Variants in FAM221A observed in about 807,000 individuals in gnomAD.
FAM221A encodes the protein family with sequence similarity 221 member A.
A neutral mutation model predicts 37.6 loss-of-function variants in FAM221A; 43 were observed. The observed-to-expected ratio is 1.15, with a 90% confidence interval of 0.90 to 1.48. The LOEUF is 1.48. Ranked by LOEUF, FAM221A falls within the 40% of genes most tolerant of loss-of-function variation. FAM221A has a pLI of 0.00. For synonymous variants in FAM221A, 135 were observed against 132.9 expected, an observed-to-expected ratio of 1.02 and a Z score of -0.11; for missense variants, 361 against 361.5, an observed-to-expected ratio of 1.00 and a Z score of 0.01.
chr7:23,687,087 T>C (rs926994563), intron 2 of FAM221A: 1 of 152,242 alleles, frequency 6.6e-6, no homozygotes, highest in Non-Finnish European at 1.5e-5. Flanking sequence ...GCCATTTAAC[T>C]GTTGTGAAGT....
chr7:23,700,362 TG>T (rs1785345914), intron 5 of FAM221A, among the ~76,000 whole-genome samples: 1 of 152,196 alleles, frequency 6.6e-6, no homozygotes, highest in Admixed American at 6.5e-5. Flanking sequence ...CCGTAAAAAA[TG>T]GATAAAATAG....
At chr7:23,690,203 T>A (rs868649089) in intron 3 of FAM221A, among the ~76,000 whole-genome samples, 197 of 76,248 alleles carry the variant, frequency 2.6e-3, no homozygotes, top group East Asian at 0.015. Flanking sequence ...ATATATATTT[T>A]TTTTTTTTTT....
intron 1 of FAM221A, 30 bp from the exon 2 acceptor site, chr7:23,684,469 G>T (rs975737475): frequency 1.7e-5 from 26 of 1,517,796 alleles, no homozygotes; most frequent in African/African-American, 2.9e-5. Context: ...AATACTCAAA[G>T]CTTAAGAGAA....
chr7:23,687,964 T>C (rs1715145894), intron 2 of FAM221A: 1 of 151,656 alleles, frequency 6.6e-6, no homozygotes, highest in African/African-American at 2.4e-5. Context: ...ACACTCTTGA[T>C]AGCATTGTGT....
At chr7:23,689,624 G>A (rs1784590656) in intron 3 of FAM221A, among the ~76,000 whole-genome samples, 165 bp downstream of exon 3, 1 of 152,124 alleles carries the variant, frequency 6.6e-6, no homozygotes, top group Non-Finnish European at 1.5e-5. Flanking sequence ...AGAATTCATT[G>A]GATAGATACT....
chr7:23,693,708 C>T (rs1784881787), intron 4 of FAM221A: 1 of 151,768 alleles, frequency 6.6e-6, no homozygotes, highest in Admixed American at 6.6e-5. Flanking sequence ...TTTCATATAT[C>T]TGTAATTTAT....
intron 2 of FAM221A, chr7:23,688,060 T>C (rs954967400): frequency 6.6e-6 from 1 of 152,130 alleles, no homozygotes; most frequent in Non-Finnish European, 1.5e-5. Context: ...TTTTTTTTCT[T>C]TTGAGACGGA....
rs771327899 is a variant in FAM221A, at chr7:23,700,868, G to A, written c.828G>A (p.Arg276=). Residue 276 remains arginine, a splice_region_variant and synonymous_variant, in exon 6 of 7, where the codon AGG becomes AGA. Transcript: ENST00000344962. ...MAFFERRYQE[R]MKMEKAAKWK... ...TCTTTGAAAGACGATACCAGGAAAG[G>A]GTAGGTTTTTGAGGAAATTCAGTTG... The A allele has an allele frequency of 1.8e-5, 29 of 1,602,948 alleles. No homozygotes were observed. Among genetic ancestry groups the A allele is most frequent in the African/African-American group, 4.0e-5 (3 of 74,382 alleles).
rs747504422 is a variant in FAM221A at position 23,689,249 on chromosome 7, C to T, written c.240-20C>T. On this transcript the variant is annotated intron_variant, in intron 2 of 6. Transcript: ENST00000344962. ...ATACCTGTATTGTGTTTATATTTCT[C>T]TCTCTTTCTCCTTTTTTAGGTATAA... 1 of 1,476,294 alleles carries T rather than the reference C, an allele frequency of 6.8e-7. No homozygotes were observed. Among genetic ancestry groups the T allele is most frequent in the Non-Finnish European group, 9.2e-7 (1 of 1,085,170 alleles). The allele number at this position is 1,476,294 out of a possible 1,614,324, so 91.4% of individuals were successfully genotyped here. A position where few individuals can be genotyped will look rare whatever the true frequency, so the allele number is the denominator to read the frequency against.
chr7:23,683,506 TA>T (rs1418588798), intron 1 of FAM221A, among the ~76,000 whole-genome samples: 1 of 152,178 alleles, frequency 6.6e-6, no homozygotes, highest in Non-Finnish European at 1.5e-5. Context: ...TCAAAGGAGG[TA>T]AATGTTAGAA....
intron 2 of FAM221A, among the ~76,000 whole-genome samples, chr7:23,685,582 T>C (rs1784320737): frequency 6.6e-6 from 1 of 152,212 alleles, no homozygotes; most frequent in East Asian, 1.9e-4. Flanking sequence ...ATGCTGTCCA[T>C]CTATAAGTAT....
chr7:23,692,561 C>G, intron 4 of FAM221A: 2 of 550,516 alleles, frequency 3.6e-6, no homozygotes. Flanking sequence ...AGGCTGGTCT[C>G]GAACTCCTGA....
Position 23,689,368 on chromosome 7 carries a change from T to C in FAM221A, c.339T>C (p.Tyr113=). 2 of 1,609,266 alleles carry C rather than the reference T, an allele frequency of 1.2e-6. No homozygotes were observed. The highest frequency in any genetic ancestry group is 1.7e-6 in the Non-Finnish European group (2 of 1,176,432). The change falls in exon 3 of 7, where the codon TAT becomes TAC. Residue 113 remains tyrosine (Y), a synonymous_variant. Coordinates refer to ENST00000344962, the MANE Select transcript of FAM221A (RefSeq NM_199136.5). The part of the protein sequence containing the change: ...VTGCQCRAYL[Y]VPLNGSQPIR... ...GCTGCCAGTGCAGGGCTTACCTTTATGTCCCCTTGAATGGTAGCCAGCCCA... is the reference window on the plus strand; with the variant it reads ...GCTGCCAGTGCAGGGCTTACCTTTACGTCCCCTTGAATGGTAGCCAGCCCA...
chr7:23,691,750 TTTTTA>T (rs1459589124), intron 4 of FAM221A, among the ~76,000 whole-genome samples, 154 bp downstream of exon 4: 2 of 152,320 alleles, frequency 1.3e-5, no homozygotes, highest in African/African-American at 4.8e-5. Context: ...GTTTTTAAAA[TTTTTA>T]TTTTATTTTT....
chr7:23,691,695 C>A, intron 4 of FAM221A, 99 bp downstream of exon 4: 3 of 1,037,576 alleles, frequency 2.9e-6, no homozygotes, highest in Non-Finnish European at 4.3e-6. Context: ...TAGTATTTTT[C>A]TTTCAGAAAA....
chr7:23,690,234 A>T (rs1342854666), intron 3 of FAM221A, among the ~76,000 whole-genome samples: 1 of 117,518 alleles, frequency 8.5e-6, no homozygotes, highest in Non-Finnish European at 1.7e-5. Flanking sequence ...TGCTCTTGTC[A>T]CCCAGGCTCT....
intron 4 of FAM221A, among the ~76,000 whole-genome samples, chr7:23,697,906 C>A (rs1785160816): frequency 6.6e-6 from 1 of 151,976 alleles, no homozygotes; most frequent in South Asian, 2.1e-4. Context: ...CACACACCAC[C>A]ATGTCCAACT....
At chr7:23,689,027 T>G (rs538928873) in intron 2 of FAM221A, 263 of 341,910 alleles carry the variant, frequency 7.7e-4, no homozygotes, top group African/African-American at 4.9e-3. Flanking sequence ...TTCTTTGTAT[T>G]GCTGTGAAAC....
chr7:23,686,860 A>G (rs1784405103), intron 2 of FAM221A: 1 of 151,260 alleles, frequency 6.6e-6, no homozygotes, highest in Non-Finnish European at 1.5e-5. Context: ...ACCTCAGCTC[A>G]CTACAACCTC....
Sources: gnomAD v4.1 joint callset for allele counts (sites outside exome capture counted in the v4.1 genomes callset) on GRCh38, gnomAD v4.1.1 for gene constraint, MANE v1.5 for transcripts, NCBI Gene and HGNC (gene_info 2026-07-23, HGNC 2026-07-21) for gene names.